PCSK7: variants seen among roughly 807,000 people sequenced by gnomAD.
PCSK7 encodes proprotein convertase subtilisin/kexin type 7.
In PCSK7, 38 loss-of-function variants were observed where a neutral mutation model predicts 73.3. The ratio of observed to expected loss-of-function variants is 0.52; its 90% confidence interval spans 0.40 to 0.68. The LOEUF (loss-of-function observed/expected upper bound fraction) is 0.68. PCSK7 is among the 30% of genes least tolerant of loss of function. The pLI, the probability that PCSK7 is intolerant of heterozygous loss-of-function variation, is 0.00. For missense variants in PCSK7, 692 were observed against 991.5 expected (o/e 0.70, Z 4.06); for synonymous variants, 296 against 383.8 (o/e 0.77, Z 2.68).
rs1233361120 is a variant in PCSK7, at chr11:117,218,806, A to C, written c.1432-238T>G. Reference sequence around the variant, plus strand: ...GTCCAGGGTGGAGGAGGGGAACCAGAGCATCCTGAGTCCCACACATACTCA... The same window carrying C: ...GTCCAGGGTGGAGGAGGGGAACCAGCGCATCCTGAGTCCCACACATACTCA... On this transcript the variant is annotated intron_variant, in intron 11 of 16. Coordinates refer to ENST00000320934, the MANE Select transcript of PCSK7 (RefSeq NM_004716.4). This position sits in a 1 kb window ranked among gnomAD's most constrained non-coding sequence, Gnocchi z 4.0. 18 of 566,522 alleles carry C rather than the reference A, an allele frequency of 3.2e-5. No homozygotes were observed. The highest frequency in any genetic ancestry group is 3.8e-5 in the Non-Finnish European group (12 of 317,748). The allele number at this position is 566,522 out of a possible 1,614,324, so 35.1% of individuals were successfully genotyped here. A position where few individuals can be genotyped will look rare whatever the true frequency, so the allele number is the denominator to read the frequency against.
At chr11:117,223,375 G>A in intron 8 of PCSK7, 67 bp from the exon 9 acceptor site, 1 of 967,870 alleles carries the variant, frequency 1.0e-6, no homozygotes. Context: ...GCTTGCTAAT[G>A]TCAGTTATCT....
In PCSK7 at chr11:117,228,217, T is replaced by G; in HGVS notation, c.602A>C (p.Tyr201Ser). 1 of 1,613,326 alleles carries G rather than the reference T, an allele frequency of 6.2e-7. No homozygotes were observed. Among genetic ancestry groups the G allele is most frequent in the Non-Finnish European group, 8.5e-7 (1 of 1,179,628 alleles). The change falls in exon 4 of 17, where the codon TAT (tyrosine) becomes TCT (serine). Residue 201 changes from tyrosine (Y) to serine (S), a missense_variant and splice_region_variant. Tyr to Ser is a moderately radical substitution (Grantham distance 144). This residue lies in a region of PCSK7 where 574 missense variants were observed against 689.8 expected (regional missense o/e 0.83). Coordinates refer to ENST00000320934, the MANE Select transcript of PCSK7 (RefSeq NM_004716.4). Reference sequence around the variant, plus strand: ...GGGTGTCGTTCCAGGGCCACTCACATAGTTGGGTGCAATGTCCTGGATGGT... The same window carrying G: ...GGGTGTCGTTCCAGGGCCACTCACAGAGTTGGGTGCAATGTCCTGGATGGT... The part of the protein sequence containing the change: ...EHTIQDIAPN[Y>S]SPEGSYDLNS...
chr11:117,209,194 A>G, intron 12 of PCSK7, 141 bp from the exon 13 acceptor site: 1 of 593,898 alleles, frequency 1.7e-6, no homozygotes, highest in Non-Finnish European at 2.9e-6. Flanking sequence ...CGCCTATACT[A>G]GTAAATGGAA....
chr11:117,213,956 C>CTTTTTTTTTTTTTTTTTTTT (rs1174445276), intron 12 of PCSK7: 2 of 93,952 alleles, frequency 2.1e-5, no homozygotes, highest in Non-Finnish European at 4.0e-5. Context: ...TTTTCTTTTT[C>CTTTTTTTTTTTTTTTTTTTT]TTTTTTTTTT....
intron 5 of PCSK7, chr11:117,226,334 C>A (rs1310873269): frequency 1.8e-5 from 6 of 341,424 alleles, no homozygotes; most frequent in Non-Finnish European, 3.4e-5. Context: ...TGGGGTTTCA[C>A]CATATTGGTC....
intron 3 of PCSK7, 73 bp downstream of exon 3, chr11:117,229,304 T>G: frequency 8.9e-7 from 1 of 1,117,486 alleles, no homozygotes; most frequent in Non-Finnish European, 1.3e-6. Flanking sequence ...AAGAGTGATA[T>G]AGTCAAAAGC....
intron 5 of PCSK7, 90 bp from the exon 6 acceptor site, chr11:117,226,111 T>C: frequency 1.3e-6 from 1 of 777,090 alleles, no homozygotes; most frequent in Middle Eastern, 2.3e-4. Flanking sequence ...GGGAGACTTA[T>C]TTTTCCCTAC....
chr11:117,228,398 G>C (rs775105788), intron 3 of PCSK7, 48 bp from the exon 4 acceptor site: 49 of 1,580,298 alleles, frequency 3.1e-5, no homozygotes, highest in Middle Eastern at 3.3e-4. Context: ...GCACAGCCCA[G>C]AGGGAGATGA....
chr11:117,209,847 GAAAAA>G (rs60347105), intron 12 of PCSK7: 1 of 137,276 alleles, frequency 7.3e-6, no homozygotes, highest in Admixed American at 7.4e-5. Context: ...CTGTCTCAAA[GAAAAA>G]AAAAAAAAGA....
chr11:117,210,028 T>C (rs1362548422), intron 12 of PCSK7: 2 of 152,308 alleles, frequency 1.3e-5, no homozygotes, highest in Admixed American at 1.3e-4. Flanking sequence ...TTGTTCTGGA[T>C]CTTGGTTGTG....
In PCSK7 at chr11:117,205,677, C is replaced by G. The variant is rs982653382; in HGVS notation, c.*320G>C. 1 of 289,062 alleles carries G rather than the reference C, an allele frequency of 3.5e-6. No individual in the cohort carries two copies. The highest frequency in any genetic ancestry group is 5.1e-5 in the Admixed American group (1 of 19,732). 17.9% of individuals were successfully genotyped at this position (289,062 alleles called of 1,614,324 possible). ...TCTCAACTTATATGTGGGAAGGGGT[C>G]CCCCATGCTTGGGGGACCTAGGCAG... is the stretch of plus-strand genomic sequence containing the variant. On this transcript the variant is annotated 3_prime_UTR_variant, in exon 17 of 17. Coordinates refer to ENST00000320934, the MANE Select transcript of PCSK7 (RefSeq NM_004716.4).
chr11:117,218,770 G>C lies in PCSK7; in HGVS notation c.1432-202C>G, dbSNP rs952035299. 1 of 566,034 alleles carries C rather than the reference G, an allele frequency of 1.8e-6. No homozygotes were observed. Among genetic ancestry groups the C allele is most frequent in the East Asian group, 2.9e-5 (1 of 34,566 alleles). The allele number at this position is 566,034 out of a possible 1,614,324, so 35.1% of individuals were successfully genotyped here. On this transcript the variant is annotated intron_variant, in intron 11 of 16. Transcript: ENST00000320934. The surrounding 1 kb of genome is among the most constrained non-coding windows in gnomAD (Gnocchi z 4.0). ...ACAGCCCCCAGCTAAGGAACCAGAG[G>C]AAACAGCTGTGTCCAGGGTGGAGGA...
chr11:117,217,004 T>G (rs1035479123), intron 12 of PCSK7: 1 of 152,052 alleles, frequency 6.6e-6, no homozygotes, highest in African/African-American at 2.4e-5. Flanking sequence ...GGTAAAACTT[T>G]TGCTTGCTGC....
intron 8 of PCSK7, chr11:117,223,758 T>A (rs2032299954): frequency 5.2e-6 from 2 of 385,972 alleles, no homozygotes; most frequent in South Asian, 3.7e-5. Flanking sequence ...GGCACTTAAT[T>A]TAGGCCTGTG....
In PCSK7 at chr11:117,218,315, T is replaced by C. The variant is rs7944157; in HGVS notation, c.1534+151A>G. 1,250 of 474,118 alleles carry C rather than the reference T, an allele frequency of 2.6e-3. 8 individuals carry two copies. The highest frequency in any genetic ancestry group is 0.022 in the African/African-American group (1,107 of 49,952). The allele number at this position is 474,118 out of a possible 1,614,324, so 29.4% of individuals were successfully genotyped here. ...GAGCCAACTCAGAAGCAGTAACATG[T>C]CCTAAAATGGTCAAAGAAAACTCCA... On this transcript the variant is annotated intron_variant, in intron 12 of 16. Coordinates refer to ENST00000320934, the MANE Select transcript of PCSK7 (RefSeq NM_004716.4). This position sits in a 1 kb window ranked among gnomAD's most constrained non-coding sequence, Gnocchi z 4.0.
chr11:117,208,221 G>T (rs2031532126), intron 13 of PCSK7, 157 bp from the exon 14 acceptor site: 1 of 288,944 alleles, frequency 3.5e-6, no homozygotes, highest in African/African-American at 4.2e-5. Flanking sequence ...CTCATGGAAG[G>T]AGGAAATTGT....
At chr11:117,225,649 G>A (rs2032393645) in intron 6 of PCSK7, 2 of 445,958 alleles carry the variant, frequency 4.5e-6, no homozygotes, top group Admixed American at 3.4e-5. Flanking sequence ...GGATGGAGAA[G>A]AAAGCCCGCT....
At chr11:117,223,373 A>G in intron 8 of PCSK7, 65 bp from the exon 9 acceptor site, 5 of 975,390 alleles carry the variant, frequency 5.1e-6, no homozygotes, top group Non-Finnish European at 8.3e-6. Flanking sequence ...GGGCTTGCTA[A>G]TGTCAGTTAT....
rs753800942 is a variant in PCSK7 at position 117,227,192 on chromosome 11, C to T, written c.734G>A (p.Cys245Tyr). The part of the protein sequence containing the change: ...EIAAVPNNSF[C>Y]AVGVAYGSRI... The stretch of plus-strand genomic sequence containing the variant: ...GCTCCCGTAGGCCACGCCCACGGCA[C>T]AGAAGCTGTTGTTGGGCACAGCCGC... Residue 245 changes from cysteine to tyrosine, a missense_variant, in exon 5 of 17, where the codon TGT (cysteine) becomes TAT (tyrosine). Cys to Tyr is a radical substitution (Grantham distance 194). Coordinates refer to ENST00000320934, the MANE Select transcript of PCSK7 (RefSeq NM_004716.4). 6.2e-7 allele frequency: 1 copy of T among 1,610,714 alleles called. No individual in the cohort carries two copies. Among genetic ancestry groups the T allele is most frequent in the Non-Finnish European group, 8.5e-7 (1 of 1,178,592 alleles).
Sources: gnomAD v4.1 joint callset for allele counts on GRCh38, gnomAD v4.1.1 for gene constraint, gnomAD v4.1.1 regional missense constraint, Gnocchi (gnomAD v3.1) non-coding constraint, MANE v1.5 for transcripts, NCBI Gene and HGNC (gene_info 2026-07-23, HGNC 2026-07-21) for gene names.